Variants in GRIA3 observed in about 807,000 individuals in gnomAD.
The protein encoded by GRIA3 is glutamate ionotropic receptor AMPA type subunit 3.
A neutral mutation model predicts 63.0 loss-of-function variants in GRIA3; 3 were observed. The ratio of observed to expected loss-of-function variants is 0.05; its 90% CI spans 0.02 to 0.12. The LOEUF is 0.12. GRIA3 is among the 10% of genes least tolerant of loss of function. The probability of loss-of-function intolerance (pLI) is 1.00; values close to 1 mark genes in which losing one functional copy is unlikely to be tolerated. For missense variants in GRIA3, 347 were observed against 700.9 expected (o/e 0.50, Z 5.70); for synonymous variants, 274 against 257.9 (o/e 1.06, Z -0.60).
At chrX:123,349,340 G>A (rs1047754488) in intron 4 of GRIA3, among the ~76,000 whole-genome samples, 9 of 111,909 alleles carry the variant, frequency 8.0e-5, no homozygotes, top group East Asian at 5.6e-4. Context: ...TCTTATTTGC[G>A]TTGGTTCTTT....
At chrX:123,417,335 G>T in intron 10 of GRIA3, 67 bp from the exon 11 acceptor site, 1 of 939,521 alleles carries the variant, frequency 1.1e-6, no homozygotes, top group South Asian at 2.1e-5. Flanking sequence ...TATATTAAGC[G>T]ACAAATAACT....
chrX:123,269,511 T>C lies in GRIA3; in HGVS notation c.508+15969T>C, dbSNP rs536895707. On this transcript the variant is annotated intron_variant, in intron 3 of 15. Transcript: ENST00000620443. Reference sequence around the variant, plus strand: ...GGTGCCACCTTGCTCATCTCTCCAATGTGCTAATTTTGGTTTTCTTCTATG... The same window carrying C: ...GGTGCCACCTTGCTCATCTCTCCAACGTGCTAATTTTGGTTTTCTTCTATG... Among the ~76,000 whole-genome samples, 4 of 111,797 alleles carry C rather than the reference T, an allele frequency of 3.6e-5. No individual in the cohort carries two copies. The South Asian group carries it at 1.5e-3, about 43-fold the overall frequency.
At chrX:123,452,167 CG>C (rs1019673487) in intron 12 of GRIA3, among the ~76,000 whole-genome samples, 7 of 111,405 alleles carry the variant, frequency 6.3e-5, no homozygotes, top group African/African-American at 2.3e-4. Context: ...CTAAACACAT[CG>C]TTGAATATTA....
Position 123,489,494 on chromosome X carries a change from G to A in GRIA3, c.*784G>A, listed in dbSNP as rs1321391823. 3.6e-5 allele frequency: 4 copies of A among 112,232 alleles called. No individual in the cohort carries two copies. The highest frequency in any genetic ancestry group is 7.5e-5 in the Non-Finnish European group (4 of 53,199). The allele number at this position is 112,232 out of a possible 1,213,427, so 9.2% of individuals were successfully genotyped here. On this transcript the variant is annotated 3_prime_UTR_variant, in exon 16 of 16. Transcript: ENST00000620443. ...ATTGACTTTGTGTGTAGCAAGGGAC[G>A]GGGCACTATCAGGATACCTCTTGGT... is the stretch of plus-strand genomic sequence containing the variant.
At chrX:123,251,096 A>G (rs1345543868) in intron 2 of GRIA3, among the ~76,000 whole-genome samples, 1 of 112,175 alleles carries the variant, frequency 8.9e-6, no homozygotes, top group Non-Finnish European at 1.9e-5. Flanking sequence ...GCTGATGAGA[A>G]TATTAAATGA....
At chrX:123,216,048 A>G (rs777843296) in intron 2 of GRIA3, among the ~76,000 whole-genome samples, 5 of 112,221 alleles carry the variant, frequency 4.5e-5, no homozygotes, top group Non-Finnish European at 9.4e-5. Context: ...TCTAATGCAC[A>G]CGAAAATAAG....
At chrX:123,474,830 G>T (rs1038994008) in intron 13 of GRIA3, among the ~76,000 whole-genome samples, 7 of 112,033 alleles carry the variant, frequency 6.2e-5, no homozygotes, top group Non-Finnish European at 1.3e-4. Context: ...ATGGCTGGTT[G>T]GTACAACCCA....
chrX:123,379,994 T>C lies in GRIA3; in HGVS notation c.751-14974T>C, dbSNP rs1266646874. 5.4e-5 allele frequency among the ~76,000 whole-genome samples: 6 copies of C among 110,446 alleles called. No homozygotes were observed. In the East Asian group the frequency reaches 8.6e-4, roughly 16 times the overall value. ...GAACTCATCCTTTTTTATGGCTGCA[T>C]AGTATTCCATGGTGTATATGTGTCA... On this transcript the variant is annotated intron_variant, in intron 5 of 15. Transcript: ENST00000620443.
chrX:123,329,513 G>GA (rs2044926898), intron 4 of GRIA3, among the ~76,000 whole-genome samples: 2 of 111,402 alleles, frequency 1.8e-5, no homozygotes, highest in African/African-American at 6.5e-5. Context: ...TACATTAGGG[G>GA]AAAAATTCAA....
chrX:123,252,977 G>A (rs1270888454), intron 2 of GRIA3, among the ~76,000 whole-genome samples: 1 of 111,855 alleles, frequency 8.9e-6, no homozygotes. Flanking sequence ...AGAGGCCCCT[G>A]GGCAGCTAAA....
At chrX:123,229,077 T>C (rs1278919198) in intron 2 of GRIA3, among the ~76,000 whole-genome samples, 1 of 111,490 alleles carries the variant, frequency 9.0e-6, no homozygotes, top group African/African-American at 3.3e-5. Flanking sequence ...ATCTCCATGA[T>C]GGGTAGCAGG....
intron 3 of GRIA3, among the ~76,000 whole-genome samples, chrX:123,318,805 A>G (rs1454096409): frequency 8.9e-6 from 1 of 111,839 alleles, no homozygotes; most frequent in Non-Finnish European, 1.9e-5. Flanking sequence ...ATTTTTGGGT[A>G]TCTTTTCAGC....
intron 2 of GRIA3, among the ~76,000 whole-genome samples, chrX:123,214,307 G>A (rs1381057435): frequency 9.0e-6 from 1 of 111,712 alleles, no homozygotes; most frequent in Non-Finnish European, 1.9e-5. Context: ...TTTAAGGTCT[G>A]TTCACATCCT....
intron 2 of GRIA3, among the ~76,000 whole-genome samples, chrX:123,224,022 C>G (rs1283559196): frequency 9.0e-6 from 1 of 111,713 alleles, no homozygotes; most frequent in Non-Finnish European, 1.9e-5. Context: ...TGCAACTGCT[C>G]TCATTCAGAC....
intron 5 of GRIA3, among the ~76,000 whole-genome samples, chrX:123,356,127 T>A (rs1275911311): frequency 8.9e-6 from 1 of 112,065 alleles, no homozygotes; most frequent in African/African-American, 3.2e-5. Flanking sequence ...AATAAAGGAC[T>A]TTTTTAATGC....
At chrX:123,242,146 A>C (rs1424867129) in intron 2 of GRIA3, among the ~76,000 whole-genome samples, 1 of 112,055 alleles carries the variant, frequency 8.9e-6, no homozygotes, top group East Asian at 2.8e-4. Context: ...CTGATGATGG[A>C]TCTAAAGATT....
intron 2 of GRIA3, among the ~76,000 whole-genome samples, chrX:123,223,877 T>C (rs2044231228): frequency 8.9e-6 from 1 of 112,500 alleles, no homozygotes; most frequent in African/African-American, 3.2e-5. Context: ...AGAGGTGCTT[T>C]GTTGTAGACC....
chrX:123,210,147 T>TAA (rs539275485), intron 2 of GRIA3, among the ~76,000 whole-genome samples: 3 of 95,876 alleles, frequency 3.1e-5, no homozygotes, highest in African/African-American at 7.7e-5. Flanking sequence ...AGCTCCATAT[T>TAA]AAAAAAAAAA....
chrX:123,383,302 T>TGAAATA, intron 5 of GRIA3, among the ~76,000 whole-genome samples: 1 of 111,621 alleles, frequency 9.0e-6, no homozygotes, highest in East Asian at 2.8e-4. Context: ...AGACCCCTCT[T>TGAAATA]CTGGCTACCA....
Sources: allele counts gnomAD v4.1 joint callset (sites outside exome capture counted in the v4.1 genomes callset), GRCh38; gene constraint gnomAD v4.1.1; transcripts MANE v1.5; gene names NCBI Gene and HGNC (gene_info 2026-07-23, HGNC 2026-07-21).